Variants in ZNF217 observed in about 807,000 individuals in gnomAD.
The protein encoded by ZNF217 is zinc finger protein 217.
ZNF217 carries 12 observed loss-of-function variants against 73.3 expected under a neutral mutation model. The ratio of observed to expected loss-of-function variants is 0.16; its 90% CI spans 0.10 to 0.27. ZNF217 has a LOEUF of 0.27. Among genes scored for constraint, ZNF217 ranks in the 10% least tolerant of loss-of-function variants. ZNF217 has a pLI of 1.00. For missense variants in ZNF217, 1,195 were observed against 1,327.8 expected, an observed-to-expected ratio of 0.90 and a Z score of 1.55; for synonymous variants, 588 against 516.4, an observed-to-expected ratio of 1.14 and a Z score of -1.88.
At chr20:53,572,176 G>A (rs1988041778) in intron 4 of ZNF217, among the ~76,000 whole-genome samples, 1 of 152,002 alleles carries the variant, frequency 6.6e-6, no homozygotes, top group Non-Finnish European at 1.5e-5. Flanking sequence ...GTTGTTTTTT[G>A]CTTTTTTTAA....
intron 5 of ZNF217, among the ~76,000 whole-genome samples, chr20:53,570,000 G>C (rs1195709001): frequency 6.6e-6 from 1 of 152,026 alleles, no homozygotes; most frequent in Non-Finnish European, 1.5e-5. Context: ...AGGCTGGAAA[G>C]CAAAGACAGA....
intron 1 of ZNF217, among the ~76,000 whole-genome samples, chr20:53,587,530 T>A (rs1437823916): frequency 6.6e-6 from 1 of 152,234 alleles, no homozygotes; most frequent in East Asian, 1.9e-4. Context: ...ATTGTTGATA[T>A]GGAATATGCA....
upstream of ZNF217, among the ~76,000 whole-genome samples, chr20:53,594,110 G>A (rs1027979159): frequency 2.1e-5 from 3 of 141,118 alleles, no homozygotes; most frequent in East Asian, 2.2e-4. Flanking sequence ...GGCTCACCTC[G>A]GGCGCGGGGC....
At chr20:53,587,987 G>GTC in intron 1 of ZNF217, among the ~76,000 whole-genome samples, 1 of 152,090 alleles carries the variant, frequency 6.6e-6, no homozygotes, top group South Asian at 2.1e-4. Context: ...TCCTAATTTA[G>GTC]CTGTGGAAAG....
At chr20:53,571,683 C>CA in intron 5 of ZNF217, 38 bp downstream of exon 5, 2 of 1,588,456 alleles carry the variant, frequency 1.3e-6, no homozygotes, top group Non-Finnish European at 1.7e-6. Context: ...CCACCGCACT[C>CA]AGCCAATCCA....
rs773342330 is a variant in ZNF217, at chr20:53,575,763, G to A, written c.3001C>T (p.Pro1001Ser). The stretch of plus-strand genomic sequence containing the variant: ...GAGCTGGATGCTGGACTACCAGCAG[G>A]CACACAAGTGTAAAGTGGCCCGGAG... ...GGSGPLYTCVPAGSPASSSTL... is the reference protein window; with the variant it reads ...GGSGPLYTCVSAGSPASSSTL... Residue 1001 changes from proline (P) to serine (S), a missense_variant, in exon 4 of 6, where the codon CCT becomes TCT. Physicochemically the swap from Pro to Ser is moderately conservative, Grantham distance 74. This residue lies in a region of ZNF217 where 649 missense variants were observed against 642.8 expected (regional missense o/e 1.01). Coordinates refer to ENST00000371471, the MANE Select transcript of ZNF217 (RefSeq NM_006526.3). 3.1e-6 allele frequency: 5 copies of A among 1,601,444 alleles called. No individual in the cohort carries two copies. Among genetic ancestry groups the A allele is most frequent in the African/African-American group, 1.3e-5 (1 of 74,580 alleles).
At chr20:53,575,085 T>A (rs975637125) in intron 4 of ZNF217, 1 of 152,254 alleles carries the variant, frequency 6.6e-6, no homozygotes, top group African/African-American at 2.4e-5. Context: ...GGCTCGCGCC[T>A]GTAATGCTGG....
At chr20:53,593,220 C>T (rs962907277) in intron 1 of ZNF217, among the ~76,000 whole-genome samples, 1 of 152,114 alleles carries the variant, frequency 6.6e-6, no homozygotes, top group African/African-American at 2.4e-5. Context: ...GCCCTCCGCC[C>T]GGCCCGAGTG....
intron 1 of ZNF217, among the ~76,000 whole-genome samples, chr20:53,584,449 TTTAACA>T (rs1381351535): frequency 6.6e-6 from 1 of 152,254 alleles, no homozygotes; most frequent in African/African-American, 2.4e-5. Flanking sequence ...AAACTAGATC[TTTAACA>T]TTAAGCTTTT....
upstream of ZNF217, among the ~76,000 whole-genome samples, chr20:53,594,984 C>G (rs1362911463): frequency 7.0e-6 from 1 of 143,140 alleles, no homozygotes; most frequent in African/African-American, 2.6e-5. Flanking sequence ...AGCCTAGGTT[C>G]CAAGAATCTA....
upstream of ZNF217, among the ~76,000 whole-genome samples, chr20:53,594,136 G>C (rs1988989740): frequency 6.6e-6 from 1 of 151,332 alleles, no homozygotes; most frequent in South Asian, 2.1e-4. Context: ...TGAGCGGGGC[G>C]GGGGTGCGCA....
At chr20:53,593,505 G>A (rs575409231) in intron 1 of ZNF217, among the ~76,000 whole-genome samples, 13 of 151,566 alleles carry the variant, frequency 8.6e-5, no homozygotes, top group Non-Finnish European at 2.9e-5. Context: ...TCTGAATCGT[G>A]CGGCGTGAGT....
rs1295075542 is a variant in ZNF217 at position 53,581,428 on chromosome 20, G to A, written c.1366+33C>T. ...GACGGGGAGACAGACAGACACAGGC[G>A]GAACAGCACGGGACGGAGACAGGGC... On this transcript the variant is annotated intron_variant, in intron 2 of 5. Coordinates refer to ENST00000371471, the MANE Select transcript of ZNF217 (RefSeq NM_006526.3). The surrounding 1 kb of genome is among the most constrained non-coding windows in gnomAD (Gnocchi z 4.9). 58 of 1,564,954 alleles carry A rather than the reference G, an allele frequency of 3.7e-5. No individual in the cohort carries two copies. The highest frequency in any genetic ancestry group is 4.6e-5 in the Non-Finnish European group (53 of 1,153,450).
chr20:53,595,271 T>C (rs1488582081), upstream of ZNF217, among the ~76,000 whole-genome samples: 2 of 152,130 alleles, frequency 1.3e-5, no homozygotes, highest in African/African-American at 4.8e-5. Context: ...CTAATGCAAA[T>C]GTGAAATGGA....
At chr20:53,575,668 T>C in intron 4 of ZNF217, 59 bp downstream of exon 4, 1 of 1,466,192 alleles carries the variant, frequency 6.8e-7, no homozygotes, top group East Asian at 2.3e-5. Flanking sequence ...TGAGAATGCC[T>C]GGATTAGCTA....
Position 53,569,050 on chromosome 20 carries a change from T to C in ZNF217, c.*238A>G, listed in dbSNP as rs938791751. ...AAAATAGAGATTTCCAGTCCCCATG[T>C]ATGTAAGTTCCAACTGTTCCAACTA... is the stretch of plus-strand genomic sequence containing the variant. On this transcript the variant is annotated 3_prime_UTR_variant, in exon 6 of 6. Transcript: ENST00000371471. 2 of 1,049,732 alleles carry C rather than the reference T, an allele frequency of 1.9e-6. No individual in the cohort carries two copies. The highest frequency in any genetic ancestry group is 1.0e-4 in the Admixed American group (2 of 19,538). The allele number at this position is 1,049,732 out of a possible 1,614,324, so 65.0% of individuals were successfully genotyped here. A position where few individuals can be genotyped will look rare whatever the true frequency, so the allele number is the denominator to read the frequency against.
At chr20:53,595,723 T>C (rs1989029886), upstream of ZNF217, among the ~76,000 whole-genome samples, 1 of 152,250 alleles carries the variant, frequency 6.6e-6, no homozygotes, top group Non-Finnish European at 1.5e-5. Context: ...TAGGATTCCT[T>C]TTCTGACAAA....
chr20:53,576,655 A>C lies in ZNF217; in HGVS notation c.2109T>G (p.Ser703Arg). 6.2e-7 allele frequency: 1 copy of C among 1,614,232 alleles called. No homozygotes were observed. The highest frequency in any genetic ancestry group is 8.5e-7 in the Non-Finnish European group (1 of 1,180,042). Residue 703 changes from serine (S) to arginine (R), a missense_variant, in exon 4 of 6, where the codon AGT becomes AGG. By Grantham distance (110) the Ser-to-Arg change is moderately radical. Coordinates refer to ENST00000371471, the MANE Select transcript of ZNF217 (RefSeq NM_006526.3). ...ALHNCPAISLSKSLIPSITCP... is the reference protein window; with the variant it reads ...ALHNCPAISLRKSLIPSITCP... ...AGGTGATACTTGGAATCAAACTTTT[A>C]CTCAAAGAAATTGCCGGGCAATTGT...
intron 1 of ZNF217, among the ~76,000 whole-genome samples, chr20:53,586,288 C>G (rs1395296299): frequency 3.3e-5 from 5 of 152,146 alleles, no homozygotes; most frequent in African/African-American, 1.2e-4. Flanking sequence ...TGGCCACAGT[C>G]ACTAACCGTA....
Sources: allele counts gnomAD v4.1 joint callset (sites outside exome capture counted in the v4.1 genomes callset), GRCh38; gene constraint gnomAD v4.1.1; regional missense constraint gnomAD v4.1.1; non-coding constraint Gnocchi (gnomAD v3.1); transcripts MANE v1.5; gene names NCBI Gene and HGNC (gene_info 2026-07-23, HGNC 2026-07-21).